ACSF3: variants seen among roughly 807,000 people sequenced by gnomAD.
The protein encoded by ACSF3 is malonate--CoA ligase ACSF3, mitochondrial.
ACSF3 carries 78 observed loss-of-function variants against 53.2 expected under a neutral mutation model. That is an observed-to-expected ratio of 1.47 (90% confidence interval 1.22 to 1.77). The LOEUF (loss-of-function observed/expected upper bound fraction) is 1.77, where lower values mean the gene tolerates loss of function less well. Ranked by LOEUF, ACSF3 falls within the 40% of genes most tolerant of loss-of-function variation. The pLI is 0.00. For missense variants in ACSF3, 937 were observed against 771.1 expected (o/e 1.22, Z -2.55); for synonymous variants, 414 against 333.1 (o/e 1.24, Z -2.65).
Position 89,115,050 on chromosome 16 carries a change from G to A in ACSF3, c.1126+563G>A, listed in dbSNP as rs1366134453. On this transcript the variant is annotated intron_variant, in intron 6 of 10. Transcript: ENST00000614302. ...TCTGACCCAACCATTTGAGCCCTGG[G>A]TCCTCCGCTGGGACTTCTGGGAACA... 13 of 224,840 alleles carry A rather than the reference G, an allele frequency of 5.8e-5. No homozygotes were observed. In the South Asian group the frequency reaches 7.4e-4, roughly 13 times the overall value. The allele number at this position is 224,840 out of a possible 1,614,324, so 13.9% of individuals were successfully genotyped here. A position where few individuals can be genotyped will look rare whatever the true frequency, so the allele number is the denominator to read the frequency against.
At chr16:89,123,186 G>A (rs989554330) in intron 7 of ACSF3, among the ~76,000 whole-genome samples, 1 of 152,166 alleles carries the variant, frequency 6.6e-6, no homozygotes, top group African/African-American at 2.4e-5. Context: ...AAGACCCTTC[G>A]TGGGGAGGAG....
At chr16:89,097,917 G>A (rs1013338376) in intron 1 of ACSF3, among the ~76,000 whole-genome samples, 1 of 152,186 alleles carries the variant, frequency 6.6e-6, no homozygotes, top group Admixed American at 6.5e-5. Context: ...TGCGTGGCTC[G>A]TTTTCCTCCT....
chr16:89,135,228 C>G (rs1004346531), intron 8 of ACSF3, among the ~76,000 whole-genome samples: 17 of 152,250 alleles, frequency 1.1e-4, no homozygotes, highest in Admixed American at 1.0e-3. Flanking sequence ...CATGCCCTTC[C>G]ACAGGGAGCA....
At chr16:89,101,445 A>C in intron 3 of ACSF3, 98 bp downstream of exon 3, 1 of 1,539,278 alleles carries the variant, frequency 6.5e-7, no homozygotes, top group Non-Finnish European at 8.7e-7. Context: ...TTTTCTGTGG[A>C]GTCATTCACA....
chr16:89,141,125 ACCT>A (rs1453652549), intron 8 of ACSF3: 14 of 1,286,806 alleles, frequency 1.1e-5, no homozygotes, highest in Non-Finnish European at 1.3e-5. Flanking sequence ...CTGCCGCAGG[ACCT>A]CCTCCCGCGG....
Position 89,154,367 on chromosome 16 carries a change from G to T in ACSF3, c.*160G>T. The T allele has an allele frequency of 1.3e-6, 1 of 759,768 alleles. No homozygotes were observed. 47.1% of individuals were successfully genotyped at this position (759,768 alleles called of 1,614,324 possible). ...CTGTTTGGGATGAAATCACCATGTG[G>T]GGTCCCCAGCCTCGGGCCAGTTGTT... On this transcript the variant is annotated 3_prime_UTR_variant, in exon 11 of 11. Coordinates refer to ENST00000614302, the MANE Select transcript of ACSF3 (RefSeq NM_001243279.3).
chr16:89,100,005 G>T (rs1975084203), intron 2 of ACSF3, among the ~76,000 whole-genome samples: 1 of 147,832 alleles, frequency 6.8e-6, no homozygotes, highest in African/African-American at 2.5e-5. Context: ...GCTGGGTGTG[G>T]TATCACATGC....
At chr16:89,151,113 C>A in intron 10 of ACSF3, 1 of 1,188,458 alleles carries the variant, frequency 8.4e-7, no homozygotes. Context: ...CATGCGGGCT[C>A]TGACGGGCAG....
chr16:89,119,491 G>A (rs181853137), intron 6 of ACSF3, among the ~76,000 whole-genome samples: 152 of 152,318 alleles, frequency 1.0e-3, no homozygotes, highest in Non-Finnish European at 1.6e-3. Flanking sequence ...ATGTGTGTGC[G>A]GAACACCGCC....
chr16:89,110,227 G>A (rs1045909876), intron 4 of ACSF3, among the ~76,000 whole-genome samples: 2 of 152,202 alleles, frequency 1.3e-5, no homozygotes, highest in African/African-American at 2.4e-5. Context: ...CCAAACCACA[G>A]GTCATGTCAT....
In ACSF3 at chr16:89,156,032, C is replaced by T. The variant is rs988474840; in HGVS notation, c.*1825C>T. ...TGACCAGAATACGGTGCTCCAAGGACATGCGGTTGAATGCCGTGTTCTAAA... is the reference window on the plus strand; with the variant it reads ...TGACCAGAATACGGTGCTCCAAGGATATGCGGTTGAATGCCGTGTTCTAAA... On this transcript the variant is annotated 3_prime_UTR_variant, in exon 11 of 11. Coordinates refer to ENST00000614302, the MANE Select transcript of ACSF3 (RefSeq NM_001243279.3). Among the ~76,000 whole-genome samples, 2 of 152,208 alleles carry T rather than the reference C, an allele frequency of 1.3e-5. No individual in the cohort carries two copies. The highest frequency in any genetic ancestry group is 4.8e-5 in the African/African-American group (2 of 41,462).
chr16:89,128,409 C>T (rs1021939066), intron 7 of ACSF3, among the ~76,000 whole-genome samples: 22 of 151,796 alleles, frequency 1.4e-4, no homozygotes, highest in Non-Finnish European at 2.2e-4. Flanking sequence ...TATAGGCATG[C>T]GCCACCACGC....
At chr16:89,095,010 G>A (rs1974444327) in intron 1 of ACSF3, among the ~76,000 whole-genome samples, 1 of 152,234 alleles carries the variant, frequency 6.6e-6, no homozygotes, top group Admixed American at 6.5e-5. Context: ...TTGTGTCTGG[G>A]GCATAGTTGT....
chr16:89,118,267 G>A (rs961110315), intron 6 of ACSF3, among the ~76,000 whole-genome samples: 2 of 152,186 alleles, frequency 1.3e-5, no homozygotes, highest in African/African-American at 4.8e-5. Context: ...CTCTAAGGCA[G>A]AATCAAATAT....
Position 89,101,297 on chromosome 16 carries a change from A to C in ACSF3, c.616A>C (p.Thr206Pro). The C allele has an allele frequency of 6.2e-7, 1 of 1,602,800 alleles. No homozygotes were observed. Among genetic ancestry groups the C allele is most frequent in the East Asian group, 2.3e-5 (1 of 44,356 alleles). Residue 206 changes from threonine (T) to proline (P), a missense_variant, in exon 3 of 11, where the codon ACG becomes CCG. Physicochemically the swap from Thr to Pro is conservative, Grantham distance 38 (BLOSUM62 -1). Transcript: ENST00000614302. Reference protein sequence around the residue: ...GAMIIYTSGTTGRPKGVLSTH... With the variant: ...GAMIIYTSGTPGRPKGVLSTH... ...CATGATCATCTACACCAGTGGGACC[A>C]CGGGGAGGCCCAAGGGCGTGCTGAG... is the stretch of plus-strand genomic sequence containing the variant.
intron 7 of ACSF3, among the ~76,000 whole-genome samples, chr16:89,123,209 G>C (rs1203887961): frequency 6.6e-6 from 1 of 152,140 alleles, no homozygotes; most frequent in African/African-American, 2.4e-5. Flanking sequence ...CAGCCTGAGG[G>C]CCTCAGGGTT....
At chr16:89,097,882 G>A (rs947525953) in intron 1 of ACSF3, among the ~76,000 whole-genome samples, 3 of 152,210 alleles carry the variant, frequency 2.0e-5, no homozygotes, top group Non-Finnish European at 2.9e-5. Flanking sequence ...AGCAGCCCGC[G>A]GAGCTGTGCT....
intron 8 of ACSF3, among the ~76,000 whole-genome samples, chr16:89,142,403 C>G (rs912093446): frequency 1.3e-5 from 2 of 152,198 alleles, no homozygotes; most frequent in African/African-American, 4.8e-5. Flanking sequence ...GGCAGATACT[C>G]AGTGCCACCA....
At chr16:89,114,643 A>T in intron 6 of ACSF3, 156 bp downstream of exon 6, 1 of 1,070,878 alleles carries the variant, frequency 9.3e-7, no homozygotes, top group Non-Finnish European at 1.4e-6. Flanking sequence ...CTCAGGATGC[A>T]CTGCGACCTG....
Sources: allele counts gnomAD v4.1 joint callset (sites outside exome capture counted in the v4.1 genomes callset), GRCh38; gene constraint gnomAD v4.1.1; transcripts MANE v1.5; gene names NCBI Gene and HGNC (gene_info 2026-07-23, HGNC 2026-07-21).